PAPSS2: variants seen among roughly 807,000 people sequenced by gnomAD.
The protein encoded by PAPSS2 is 3'-phosphoadenosine 5'-phosphosulfate synthase 2, also known as bifunctional 3'-phosphoadenosine 5'-phosphosulfate synthase 2.
A neutral mutation model predicts 66.5 loss-of-function variants in PAPSS2; 61 were observed. The observed-to-expected ratio is 0.92, with a 90% CI of 0.75 to 1.14. The LOEUF is 1.14. PAPSS2 is among the 50% of genes most tolerant of loss of function. The probability of loss-of-function intolerance (pLI) is 0.00; values close to 1 mark genes in which losing one functional copy is unlikely to be tolerated. For missense variants in PAPSS2, 708 were observed against 789.6 expected, an observed-to-expected ratio of 0.90 and a Z score of 1.24; for synonymous variants, 289 against 287.5, an observed-to-expected ratio of 1.01 and a Z score of -0.05.
At chr10:87,683,459 T>G (rs1853049749) in intron 1 of PAPSS2, among the ~76,000 whole-genome samples, 1 of 152,222 alleles carries the variant, frequency 6.6e-6, no homozygotes, top group Non-Finnish European at 1.5e-5. Context: ...CTTCTGTGTG[T>G]GCAAGGGAAT....
intron 1 of PAPSS2, among the ~76,000 whole-genome samples, chr10:87,696,550 T>C (rs923714682): frequency 6.6e-6 from 1 of 152,222 alleles, no homozygotes; most frequent in Non-Finnish European, 1.5e-5. Context: ...ATGCCTATAC[T>C]TGTTGTATGC....
intron 1 of PAPSS2, among the ~76,000 whole-genome samples, chr10:87,698,701 A>G (rs989275373): frequency 6.6e-6 from 1 of 152,162 alleles, no homozygotes; most frequent in African/African-American, 2.4e-5. Context: ...ATACTTACGA[A>G]CGATATTTTC....
chr10:87,721,882 C>T (rs1008023294), intron 8 of PAPSS2, 112 bp downstream of exon 8: 9 of 669,512 alleles, frequency 1.3e-5, no homozygotes, highest in African/African-American at 3.7e-5. Context: ...CAGTTGGAAT[C>T]GCTATTAGTT....
chr10:87,710,688 A>C (rs1853452707), intron 2 of PAPSS2, among the ~76,000 whole-genome samples: 1 of 152,206 alleles, frequency 6.6e-6, no homozygotes, highest in South Asian at 2.1e-4. Flanking sequence ...TAGAGGAAGA[A>C]AAGAATATAT....
chr10:87,694,024 C>T (rs372748079), intron 1 of PAPSS2, among the ~76,000 whole-genome samples: 11 of 152,294 alleles, frequency 7.2e-5, no homozygotes, highest in African/African-American at 2.4e-4. Flanking sequence ...ATCAACGAAA[C>T]GTTTATTAAA....
chr10:87,729,283 G>T (rs999746224), intron 9 of PAPSS2, among the ~76,000 whole-genome samples: 1 of 150,688 alleles, frequency 6.6e-6, no homozygotes, highest in East Asian at 2.0e-4. Context: ...CCTGCACTGA[G>T]AAAGTCTGTG....
At chr10:87,713,903 TG>T in intron 3 of PAPSS2, 140 bp from the exon 4 acceptor site, 1 of 825,092 alleles carries the variant, frequency 1.2e-6, no homozygotes, top group Non-Finnish European at 2.0e-6. Context: ...GTAAAATTTC[TG>T]GACTTTCTCT....
At position 87,701,319 on chromosome 10, in the gene PAPSS2, CCTTCCTTCCTTTCTTTCTTT is replaced by C. The variant is rs1169801379; in HGVS notation, c.28-7873_28-7854del. Among the ~76,000 whole-genome samples the C allele has an allele frequency of 5.8e-3, 553 of 95,244 alleles. 1 individual carries two copies. Among genetic ancestry groups the C allele is most frequent in the East Asian group, 7.9e-3 (25 of 3,152 alleles). The allele number at this position is 95,244 out of a possible 152,430, so 62.5% of individuals were successfully genotyped here. On this transcript the variant is annotated intron_variant, in intron 1 of 12. Coordinates refer to ENST00000456849, the MANE Select transcript of PAPSS2 (RefSeq NM_001015880.2). ...TTCTTTTTTCCTTCCTTCCTTCCTT[CCTTCCTTCCTTTCTTTCTTT>C]CTTTCTTTCTTTCTTTCTTTCTTTC...
Position 87,676,872 on chromosome 10 carries a change from C to CAAAAAAAA in PAPSS2, c.27+16896_27+16903dup, listed in dbSNP as rs71019493. 4.8e-4 allele frequency among the ~76,000 whole-genome samples: 15 copies of CAAAAAAAA among 31,368 alleles called. 1 individual carries two copies. The highest frequency in any genetic ancestry group is 1.5e-3 in the African/African-American group (14 of 9,188). The allele number at this position is 31,368 out of a possible 152,430, so 20.6% of individuals were successfully genotyped here. ...TGGATGACAGAATGAGACCCTGTCT[C>CAAAAAAAA]AAAAAAAAAAAAAAAAAAAAAAAAA... On this transcript the variant is annotated intron_variant, in intron 1 of 12. Transcript: ENST00000456849.
intron 1 of PAPSS2, among the ~76,000 whole-genome samples, chr10:87,672,879 G>A (rs1016621332): frequency 1.3e-5 from 2 of 152,200 alleles, no homozygotes; most frequent in African/African-American, 4.8e-5. Flanking sequence ...ATTATATTTT[G>A]TGTTATGACA....
chr10:87,675,805 A>C (rs940491160), intron 1 of PAPSS2, among the ~76,000 whole-genome samples: 2 of 152,148 alleles, frequency 1.3e-5, no homozygotes, highest in African/African-American at 2.4e-5. Context: ...GAATGGAGGC[A>C]GTCTTCAAAA....
chr10:87,719,976 C>T (rs1415539178), intron 7 of PAPSS2, among the ~76,000 whole-genome samples: 1 of 152,102 alleles, frequency 6.6e-6, no homozygotes. Context: ...ACCTCTGCCT[C>T]CTGGGTTCAA....
chr10:87,662,663 T>G (rs558465081), intron 1 of PAPSS2, among the ~76,000 whole-genome samples: 17 of 151,474 alleles, frequency 1.1e-4, no homozygotes, highest in African/African-American at 3.9e-4. Context: ...GCCTTTCCTC[T>G]TACATCATTT....
At chr10:87,730,863 G>A (rs553048985) in intron 9 of PAPSS2, among the ~76,000 whole-genome samples, 17 of 152,318 alleles carry the variant, frequency 1.1e-4, no homozygotes, top group African/African-American at 3.8e-4. Flanking sequence ...GCAGAGGTTG[G>A]TTCAAGGGGT....
At chr10:87,714,888 T>A in intron 5 of PAPSS2, 25 bp downstream of exon 5, 1 of 1,483,282 alleles carries the variant, frequency 6.7e-7, no homozygotes, top group Non-Finnish European at 9.4e-7. Context: ...TGTCTTTTTT[T>A]ATATGTTTAA....
intron 1 of PAPSS2, among the ~76,000 whole-genome samples, chr10:87,703,276 C>CGTGTGTGTGTGTGTGTGT (rs10673718): frequency 2.7e-5 from 4 of 145,476 alleles, no homozygotes; most frequent in Non-Finnish European, 6.1e-5. Flanking sequence ...AACAACATTG[C>CGTGTGTGTGTGTGTGTGT]GTGTGTGTGT....
intron 1 of PAPSS2, among the ~76,000 whole-genome samples, 154 bp downstream of exon 1, chr10:87,660,162 G>A (rs1317821902): frequency 2.0e-5 from 3 of 152,166 alleles, no homozygotes; most frequent in Admixed American, 6.5e-5. Context: ...AAGAGAAAGA[G>A]GCTCTGTGTG....
intron 1 of PAPSS2, among the ~76,000 whole-genome samples, chr10:87,686,429 A>G (rs1159238954): frequency 4.0e-5 from 6 of 151,040 alleles, no homozygotes; most frequent in Admixed American, 6.6e-5. Flanking sequence ...GAATCCTGTC[A>G]TTCTGGAGTC....
chr10:87,695,759 A>T (rs1853224543), intron 1 of PAPSS2, among the ~76,000 whole-genome samples: 1 of 152,242 alleles, frequency 6.6e-6, no homozygotes, highest in Non-Finnish European at 1.5e-5. Flanking sequence ...GAGAGGAAGG[A>T]GAGCAGTAGG....
Sources: allele counts gnomAD v4.1 joint callset (sites outside exome capture counted in the v4.1 genomes callset), GRCh38; gene constraint gnomAD v4.1.1; transcripts MANE v1.5; gene names NCBI Gene and HGNC (gene_info 2026-07-23, HGNC 2026-07-21).